LRRC4C: variants seen among roughly 807,000 people sequenced by gnomAD.
LRRC4C encodes leucine-rich repeat-containing protein 4C.
A neutral mutation model predicts 33.6 loss-of-function variants in LRRC4C; 5 were observed. The observed-to-expected ratio is 0.15, with a 90% CI of 0.08 to 0.31. The LOEUF is 0.31. Ranked by LOEUF, LRRC4C falls within the 10% of genes least tolerant of loss-of-function variation. The pLI, the probability that LRRC4C is intolerant of heterozygous loss-of-function variation, is 1.00. For synonymous variants in LRRC4C, 329 were observed against 302.0 expected, an observed-to-expected ratio of 1.09 and a Z score of -0.93; for missense variants, 560 against 796.7, an observed-to-expected ratio of 0.70 and a Z score of 3.58.
intron 1 of LRRC4C, among the ~76,000 whole-genome samples, chr11:41,400,628 T>C (rs1288671579): frequency 6.6e-6 from 1 of 151,766 alleles, no homozygotes; most frequent in African/African-American, 2.4e-5. Context: ...ATGTACAAAA[T>C]CTCTGGATTA....
intron 3 of LRRC4C, among the ~76,000 whole-genome samples, chr11:40,458,464 A>T (rs954327515): frequency 1.3e-5 from 2 of 152,116 alleles, no homozygotes; most frequent in Admixed American, 1.3e-4. Flanking sequence ...TGTCTTTCAA[A>T]CATCATAAAA....
chr11:40,290,890 C>T (rs1468773507), intron 4 of LRRC4C, among the ~76,000 whole-genome samples: 2 of 152,094 alleles, frequency 1.3e-5, no homozygotes, highest in African/African-American at 4.8e-5. Flanking sequence ...AATGTGCCTT[C>T]CTTTGACCCT....
At chr11:41,358,273 T>C (rs1349980364) in intron 1 of LRRC4C, among the ~76,000 whole-genome samples, 1 of 152,002 alleles carries the variant, frequency 6.6e-6, no homozygotes, top group African/African-American at 2.4e-5. Context: ...CAAACCTCAA[T>C]GTAAGCCACA....
chr11:40,537,954 G>A (rs184252356), intron 3 of LRRC4C, among the ~76,000 whole-genome samples: 180 of 152,178 alleles, frequency 1.2e-3, no homozygotes, highest in African/African-American at 3.6e-3. Flanking sequence ...AATCTCAAGC[G>A]TCACCCCAGA....
At chr11:41,365,818 A>G (rs1464421430) in intron 1 of LRRC4C, among the ~76,000 whole-genome samples, 1 of 152,186 alleles carries the variant, frequency 6.6e-6, no homozygotes, top group Non-Finnish European at 1.5e-5. Flanking sequence ...GTAAATGATA[A>G]TGTCTTTAGT....
At chr11:40,925,933 A>G (rs1048800729) in intron 2 of LRRC4C, among the ~76,000 whole-genome samples, 2 of 152,136 alleles carry the variant, frequency 1.3e-5, no homozygotes, top group African/African-American at 2.4e-5. Flanking sequence ...ATAACATGGT[A>G]TATGGTCAAT....
At chr11:40,712,472 A>G (rs1946516019) in intron 2 of LRRC4C, among the ~76,000 whole-genome samples, 1 of 152,290 alleles carries the variant, frequency 6.6e-6, no homozygotes, top group Non-Finnish European at 1.5e-5. Context: ...CTGTGTCCTC[A>G]CCCAAAATCT....
chr11:40,748,790 T>G (rs1948549587), intron 2 of LRRC4C, among the ~76,000 whole-genome samples: 1 of 152,106 alleles, frequency 6.6e-6, no homozygotes, highest in South Asian at 2.1e-4. Context: ...TGTAAAAAGA[T>G]ATTCCAGGCA....
Position 41,256,894 on chromosome 11 carries a change from A to C in LRRC4C, c.-496+202537T>G, listed in dbSNP as rs549668704. On this transcript the variant is annotated intron_variant, in intron 1 of 6. Coordinates refer to ENST00000528697, the MANE Select transcript of LRRC4C (RefSeq NM_001258419.2). Reference sequence around the variant, plus strand: ...AGTGGAACAGTACACATTATATATAAAGCTCCAGAGGTCTTCAGACCTAAT... The same window carrying C: ...AGTGGAACAGTACACATTATATATACAGCTCCAGAGGTCTTCAGACCTAAT... Among the ~76,000 whole-genome samples the C allele has an allele frequency of 4.5e-3, 687 of 152,126 alleles. 5 individuals are homozygous for C. The highest frequency in any genetic ancestry group is 6.6e-3 in the South Asian group (32 of 4,830).
intron 3 of LRRC4C, among the ~76,000 whole-genome samples, chr11:40,390,827 T>G (rs1949305970): frequency 6.6e-6 from 1 of 152,122 alleles, no homozygotes; most frequent in Non-Finnish European, 1.5e-5. Flanking sequence ...AACTCAGACC[T>G]CCTTCATATT....
intron 1 of LRRC4C, among the ~76,000 whole-genome samples, chr11:41,408,932 A>G (rs1157695516): frequency 1.3e-5 from 2 of 152,140 alleles, no homozygotes; most frequent in Non-Finnish European, 2.9e-5. Flanking sequence ...AGGCGACTTC[A>G]TTATAACTAA....
intron 1 of LRRC4C, among the ~76,000 whole-genome samples, chr11:41,092,842 A>G (rs893207719): frequency 2.6e-4 from 40 of 152,234 alleles, no homozygotes; most frequent in African/African-American, 9.4e-4. Flanking sequence ...GTTATGCCTC[A>G]TGGCATGCAA....
chr11:40,769,452 A>C lies in LRRC4C; in HGVS notation c.-406-121174T>G, dbSNP rs1212855226. ...GCAATCTCTACCAAAACACCAATGAAATTCTTCAGAGAAATAGAAAAAAAG... is the reference window on the plus strand; with the variant it reads ...GCAATCTCTACCAAAACACCAATGACATTCTTCAGAGAAATAGAAAAAAAG... On this transcript the variant is annotated intron_variant, in intron 2 of 6. Transcript: ENST00000528697. 6.6e-5 allele frequency among the ~76,000 whole-genome samples: 10 copies of C among 152,214 alleles called. No individual in the cohort carries two copies. The East Asian group carries it at 1.9e-3, about 29-fold the overall frequency.
intron 1 of LRRC4C, among the ~76,000 whole-genome samples, chr11:41,261,983 G>A (rs1948996037): frequency 6.6e-6 from 1 of 152,066 alleles, no homozygotes; most frequent in African/African-American, 2.4e-5. Flanking sequence ...TTCTCTGTGG[G>A]GAGAAGTCAA....
chr11:40,723,820 G>A (rs1245565215), intron 2 of LRRC4C, among the ~76,000 whole-genome samples: 2 of 151,986 alleles, frequency 1.3e-5, no homozygotes, highest in Non-Finnish European at 2.9e-5. Flanking sequence ...ACGGCAAATA[G>A]TATTAAAAAA....
At chr11:40,619,494 T>C (rs1962218571) in intron 3 of LRRC4C, among the ~76,000 whole-genome samples, 2 of 151,740 alleles carry the variant, frequency 1.3e-5, no homozygotes, top group Admixed American at 1.3e-4. Context: ...CCTTGTCAAC[T>C]GACTGCTCTA....
Position 40,608,773 on chromosome 11 carries a change from G to A in LRRC4C, c.-270+39369C>T, listed in dbSNP as rs76644366. 8.3e-3 allele frequency among the ~76,000 whole-genome samples: 1,262 copies of A among 151,924 alleles called. 14 individuals carry two copies. Among genetic ancestry groups the A allele is most frequent in the African/African-American group, 0.028 (1,173 of 41,440 alleles). Reference sequence around the variant, plus strand: ...GCAAATGGTAACCAAAAAAATCATGGGTAGCCATAGCTACATCAAAGAAAA... The same window carrying A: ...GCAAATGGTAACCAAAAAAATCATGAGTAGCCATAGCTACATCAAAGAAAA... On this transcript the variant is annotated intron_variant, in intron 3 of 6. Transcript: ENST00000528697.
At chr11:40,999,157 A>G (rs577350872) in intron 1 of LRRC4C, among the ~76,000 whole-genome samples, 49 of 152,192 alleles carry the variant, frequency 3.2e-4, no homozygotes, top group African/African-American at 1.2e-3. Context: ...ATGACACGTC[A>G]ATAAAGCTGT....
chr11:40,778,206 CAT>C (rs1950084371), intron 2 of LRRC4C, among the ~76,000 whole-genome samples: 1 of 152,132 alleles, frequency 6.6e-6, no homozygotes, highest in African/African-American at 2.4e-5. Context: ...CTTTCATTCC[CAT>C]GTTTAGAACT....
Sources: allele counts gnomAD v4.1 joint callset (sites outside exome capture counted in the v4.1 genomes callset), GRCh38; gene constraint gnomAD v4.1.1; transcripts MANE v1.5; gene names NCBI Gene and HGNC (gene_info 2026-07-23, HGNC 2026-07-21).